Variants in FKBP3 observed in about 807,000 individuals in gnomAD.
FKBP3 encodes peptidyl-prolyl cis-trans isomerase FKBP3.
Under a neutral mutation model 30.6 loss-of-function variants are expected in FKBP3, and 21 were observed. That is an observed-to-expected ratio of 0.69 (90% CI 0.49 to 0.99). The LOEUF is 0.99. Ranked by LOEUF, FKBP3 falls within the 50% of genes least tolerant of loss-of-function variation. The pLI, the probability that FKBP3 is intolerant of heterozygous loss-of-function variation, is 0.00. For synonymous variants in FKBP3, 82 were observed against 91.3 expected (o/e 0.90, Z 0.58); for missense variants, 283 against 261.6 (o/e 1.08, Z -0.56).
At chr14:45,120,831 T>TA (rs1238398866) in intron 5 of FKBP3, 56 bp downstream of exon 5, 2 of 1,374,340 alleles carry the variant, frequency 1.5e-6, no homozygotes, top group African/African-American at 2.8e-5. Flanking sequence ...TACAGCACCA[T>TA]ACCAGAAGCA....
At chr14:45,121,412 C>T in intron 4 of FKBP3, 73 bp downstream of exon 4, 3 of 1,286,514 alleles carry the variant, frequency 2.3e-6, no homozygotes, top group Non-Finnish European at 2.2e-6. Flanking sequence ...GTACTGCTAA[C>T]TACTCATCTG....
intron 3 of FKBP3, among the ~76,000 whole-genome samples, chr14:45,123,429 T>C (rs1016720908): frequency 6.6e-6 from 1 of 151,514 alleles, no homozygotes; most frequent in African/African-American, 2.4e-5. Context: ...ATTTACTGTT[T>C]GTTCCAGCCA....
intron 1 of FKBP3, 143 bp downstream of exon 1, chr14:45,134,206 G>C (rs1885310443): frequency 4.4e-6 from 3 of 683,050 alleles, no homozygotes; most frequent in South Asian, 1.8e-5. Flanking sequence ...CAAAGCACAA[G>C]CTGGGCCTCT....
At position 45,129,846 on chromosome 14, in the gene FKBP3, T is replaced by G; in HGVS notation, c.266A>C (p.Lys89Thr). 1 of 1,613,260 alleles carries G rather than the reference T, an allele frequency of 6.2e-7. No homozygotes were observed. Among genetic ancestry groups the G allele is most frequent in the Non-Finnish European group, 8.5e-7 (1 of 1,179,550 alleles). ...TTCTTTGGGTTTATCTTCATTAAGC[T>G]TCACATTTTTTACTTGCTCAGACAC... The part of the protein sequence containing the change: ...SKVSEQVKNV[K>T]LNEDKPKETK... Residue 89 changes from lysine to threonine, a missense_variant, in exon 3 of 7, where the codon AAG (lysine) becomes ACG (threonine). Transcript: ENST00000396062.
At chr14:45,131,877 G>A (rs1035365538) in intron 1 of FKBP3, among the ~76,000 whole-genome samples, 2 of 152,166 alleles carry the variant, frequency 1.3e-5, no homozygotes, top group African/African-American at 4.8e-5. Flanking sequence ...GGTAACAGCG[G>A]AATTGCTTTT....
intron 3 of FKBP3, among the ~76,000 whole-genome samples, chr14:45,129,166 C>T (rs1435395508): frequency 6.6e-6 from 1 of 152,190 alleles, no homozygotes; most frequent in African/African-American, 2.4e-5. Flanking sequence ...ATTATTATCA[C>T]TGATACTAAG....
intron 3 of FKBP3, 59 bp downstream of exon 3, chr14:45,129,735 G>C (rs915151168): frequency 9.1e-7 from 1 of 1,093,154 alleles, no homozygotes; most frequent in Admixed American, 2.8e-5. Flanking sequence ...AAATAATAAA[G>C]AAATAAATAC....
intron 5 of FKBP3, 86 bp downstream of exon 5, chr14:45,120,801 T>C: frequency 3.7e-6 from 4 of 1,090,848 alleles, no homozygotes; most frequent in Non-Finnish European, 5.6e-6. Context: ...CTTTGTATTA[T>C]ATCCCCAAAC....
intron 5 of FKBP3, 118 bp downstream of exon 5, chr14:45,120,769 G>C: frequency 1.3e-6 from 1 of 784,186 alleles, no homozygotes; most frequent in Non-Finnish European, 2.1e-6. Flanking sequence ...TACCCAATCT[G>C]TCAGACTCCA....
intron 3 of FKBP3, among the ~76,000 whole-genome samples, chr14:45,124,146 T>G (rs1301483715): frequency 1.3e-5 from 2 of 152,100 alleles, no homozygotes; most frequent in Non-Finnish European, 2.9e-5. Context: ...GATCTTAATC[T>G]ATCCCTCCCT....
intron 3 of FKBP3, among the ~76,000 whole-genome samples, 197 bp from the exon 4 acceptor site, chr14:45,121,817 A>G (rs528206844): frequency 6.6e-6 from 1 of 152,348 alleles, no homozygotes; most frequent in South Asian, 2.1e-4. Flanking sequence ...CTATAATTTA[A>G]TTTCAAATAA....
chr14:45,125,126 G>A (rs1161456845), intron 3 of FKBP3, among the ~76,000 whole-genome samples: 1 of 152,206 alleles, frequency 6.6e-6, no homozygotes, highest in Non-Finnish European at 1.5e-5. Context: ...ATGTTGGCCA[G>A]GCTGGTCTCG....
rs537325662 is a variant in FKBP3 at position 45,130,941 on chromosome 14, C to G, written c.109-141G>C. On this transcript the variant is annotated intron_variant, in intron 1 of 6. Coordinates refer to ENST00000396062, the MANE Select transcript of FKBP3 (RefSeq NM_002013.4). ...GAAGAAATAAAGCCTATAGTTTATA[C>G]TCTTTGTTACAAAAAAAGTAAGAGA... 7 of 494,286 alleles carry G rather than the reference C, an allele frequency of 1.4e-5. No individual in the cohort carries two copies. The South Asian group carries it at 1.8e-4, about 12-fold the overall frequency. 30.6% of individuals were successfully genotyped at this position (494,286 alleles called of 1,614,324 possible). A position where few individuals can be genotyped will look rare whatever the true frequency, so the allele number is the denominator to read the frequency against.
intron 5 of FKBP3, among the ~76,000 whole-genome samples, chr14:45,118,812 A>G (rs1884915841): frequency 6.6e-6 from 1 of 152,196 alleles, no homozygotes; most frequent in South Asian, 2.1e-4. Context: ...TTTTAAGATT[A>G]CCAGATTGTA....
chr14:45,130,731 C>A lies in FKBP3; in HGVS notation c.178G>T (p.Val60Phe). The change falls in exon 2 of 7, where the codon GTT becomes TTT. Residue 60 changes from valine to phenylalanine, a missense_variant. Val to Phe is a conservative substitution (Grantham distance 50). Coordinates refer to ENST00000396062, the MANE Select transcript of FKBP3 (RefSeq NM_002013.4). ...VAKTANKDHL[V>F]TAYNHLFETK... The stretch of plus-strand genomic sequence containing the variant: ...TCAAAAAGATGGTTATAGGCTGTAA[C>A]CAAGTGGTCCTTGTTAGCTGTCTTG... The A allele has an allele frequency of 6.2e-7, 1 of 1,609,396 alleles. No individual in the cohort carries two copies. The highest frequency in any genetic ancestry group is 8.5e-7 in the Non-Finnish European group (1 of 1,177,682).
chr14:45,132,251 T>C (rs1421903543), intron 1 of FKBP3, among the ~76,000 whole-genome samples: 1 of 152,186 alleles, frequency 6.6e-6, no homozygotes, highest in African/African-American at 2.4e-5. Context: ...ACGGAAGTAA[T>C]CAGTTACCTT....
intron 3 of FKBP3, among the ~76,000 whole-genome samples, chr14:45,126,719 T>C (rs986044268): frequency 6.6e-6 from 1 of 152,154 alleles, no homozygotes; most frequent in Non-Finnish European, 1.5e-5. Flanking sequence ...GGCAGTGGTA[T>C]GCCTGTAGTC....
intron 3 of FKBP3, among the ~76,000 whole-genome samples, chr14:45,127,192 C>A (rs1243297270): frequency 6.7e-6 from 1 of 149,708 alleles, no homozygotes; most frequent in African/African-American, 2.5e-5. Context: ...CAGCTCACTG[C>A]AACCTCCGCC....
At position 45,121,471 on chromosome 14, in the gene FKBP3, C is replaced by T. The variant is rs746335530; in HGVS notation, c.454+14G>A. ...CTCTTTAAGCCAAAAACATAAGATT[C>T]CATTTAGACTTACTTGTTTGAATAT... is the stretch of plus-strand genomic sequence containing the variant. On this transcript the variant is annotated intron_variant, in intron 4 of 6. Transcript: ENST00000396062. 6.2e-7 allele frequency: 1 copy of T among 1,604,874 alleles called. No individual in the cohort carries two copies. Among genetic ancestry groups the T allele is most frequent in the Admixed American group, 1.7e-5 (1 of 59,176 alleles).
Sources: gnomAD v4.1 joint callset for allele counts (sites outside exome capture counted in the v4.1 genomes callset) on GRCh38, gnomAD v4.1.1 for gene constraint, MANE v1.5 for transcripts, NCBI Gene and HGNC (gene_info 2026-07-23, HGNC 2026-07-21) for gene names.